Variants in OTOG observed in about 807,000 individuals in gnomAD.
OTOG encodes the protein otogelin.
In OTOG, 296 loss-of-function variants were observed where a neutral mutation model predicts 313.8. The ratio of observed to expected loss-of-function variants is 0.94; its 90% CI spans 0.86 to 1.04. OTOG has a LOEUF of 1.04. OTOG is among the 50% of genes least tolerant of loss of function. OTOG has a pLI of 0.00. For synonymous variants in OTOG, 1,533 were observed against 1,554.9 expected (o/e 0.99, Z 0.33); for missense variants, 3,948 against 3,840.1 (o/e 1.03, Z -0.74).
intron 37 of OTOG, 135 bp from the exon 38 acceptor site, chr11:17,612,484 GT>G: frequency 7.2e-7 from 1 of 1,387,730 alleles, no homozygotes; most frequent in Non-Finnish European, 9.6e-7. Flanking sequence ...TGTGTGATGC[GT>G]GGTCTGAGCC....
chr11:17,613,265 T>TTCTC lies in OTOG; in HGVS notation c.6439-341_6439-338dup, dbSNP rs200487464. Among the ~76,000 whole-genome samples the TTCTC allele has an allele frequency of 8.4e-4, 117 of 138,792 alleles. 9 individuals are homozygous for TTCTC. Among genetic ancestry groups the TTCTC allele is most frequent in the African/African-American group, 2.5e-3 (88 of 34,738 alleles). The allele number at this position is 138,792 out of a possible 152,430, so 91.1% of individuals were successfully genotyped here. A position where few individuals can be genotyped will look rare whatever the true frequency, so the allele number is the denominator to read the frequency against. On this transcript the variant is annotated intron_variant, in intron 38 of 55. Coordinates refer to ENST00000399397, the MANE Select transcript of OTOG (RefSeq NM_001292063.2). ...TTTCTTTCTTTCTTTCTTTCTTTCTTTCTCTCTCTGTCTGTCTTTCTCCTT... is the reference window on the plus strand; with the variant it reads ...TTTCTTTCTTTCTTTCTTTCTTTCTTTCTCTCTCTCTCTGTCTGTCTTTCTCCTT...
chr11:17,601,880 A>G (rs1002358820), intron 31 of OTOG, among the ~76,000 whole-genome samples: 3 of 152,146 alleles, frequency 2.0e-5, no homozygotes, highest in Non-Finnish European at 4.4e-5. Flanking sequence ...CAGTGGCTGT[A>G]ATGGTGAAGT....
chr11:17,610,336 C>T lies in OTOG; in HGVS notation c.5036C>T (p.Thr1679Ile), dbSNP rs950248015. The T allele has an allele frequency of 1.3e-6, 2 of 1,550,720 alleles. No homozygotes were observed. The highest frequency in any genetic ancestry group is 2.7e-5 in the African/African-American group (2 of 73,172). ...TPAVTKVISR[T>I]GVPQPTQAQS... Reference sequence around the variant, plus strand: ...GCAGTAACTAAGGTCATAAGCAGGACAGGGGTCCCCCAGCCCACCCAGGCC... The same window carrying T: ...GCAGTAACTAAGGTCATAAGCAGGATAGGGGTCCCCCAGCCCACCCAGGCC... Residue 1679 changes from threonine (T) to isoleucine (I), a missense_variant, in exon 36 of 56, where the codon ACA becomes ATA. Coordinates refer to ENST00000399397, the MANE Select transcript of OTOG (RefSeq NM_001292063.2).
At chr11:17,596,652 C>G (rs1267848845) in intron 29 of OTOG, among the ~76,000 whole-genome samples, 199 bp from the exon 30 acceptor site, 5 of 152,220 alleles carry the variant, frequency 3.3e-5, no homozygotes, top group African/African-American at 7.2e-5. Context: ...GAGAAGAGAG[C>G]TTAGTTCTCA....
In OTOG at chr11:17,573,057, C is replaced by G. The variant is rs777439961; in HGVS notation, c.2081-21C>G. ...TAGACCGACTCCCCTGACTGCCTGG[C>G]TCCTGTTCTTCCTTCCCCAGCCTCC... is the stretch of plus-strand genomic sequence containing the variant. On this transcript the variant is annotated intron_variant, in intron 18 of 55. Coordinates refer to ENST00000399397, the MANE Select transcript of OTOG (RefSeq NM_001292063.2). 30 of 1,529,056 alleles carry G rather than the reference C, an allele frequency of 2.0e-5. No homozygotes were observed. The African/African-American group carries it at 3.2e-4, about 16-fold the overall frequency. 94.7% of individuals were successfully genotyped at this position (1,529,056 alleles called of 1,614,324 possible).
intron 4 of OTOG, among the ~76,000 whole-genome samples, chr11:17,552,664 C>G (rs143250323): frequency 1.6e-5 from 1 of 61,056 alleles, no homozygotes; most frequent in Non-Finnish European, 3.1e-5. Flanking sequence ...GCTTTGTCTT[C>G]CCTTCGTCTA....
intron 22 of OTOG, 143 bp downstream of exon 22, chr11:17,577,054 CAA>C: frequency 1.2e-6 from 1 of 849,960 alleles, no homozygotes; most frequent in South Asian, 1.8e-5. Flanking sequence ...GCCCTCTTGG[CAA>C]AGACTCCAGC....
rs546841946 is a variant in OTOG at position 17,641,737 on chromosome 11, C to T, written c.8191-110C>T. 5.4e-4 allele frequency: 419 copies of T among 768,900 alleles called. 1 individual carries two copies. The highest frequency in any genetic ancestry group is 7.4e-4 in the Non-Finnish European group (358 of 482,230). The allele number at this position is 768,900 out of a possible 1,614,324, so 47.6% of individuals were successfully genotyped here. On this transcript the variant is annotated intron_variant, in intron 51 of 55. Transcript: ENST00000399397. ...GGCTGGGAGCGCCTCTTCTCGAGCA[C>T]TTACAGAGGGTCCTTCCAGGCTCTG...
At position 17,610,969 on chromosome 11, in the gene OTOG, T is replaced by G. The variant is rs774109476; in HGVS notation, c.5669T>G (p.Val1890Gly). The change falls in exon 36 of 56, where the codon GTG (valine) becomes GGG (glycine). Residue 1890 changes from valine (V) to glycine (G), a missense_variant. Coordinates refer to ENST00000399397, the MANE Select transcript of OTOG (RefSeq NM_001292063.2). ...TTGCCAACCTCTGGAGTCCTGCCTG[T>G]GGCTGAGGGCACGGCCTCCATGGTA... Reference protein sequence around the residue: ...ATLPTSGVLPVAEGTASMVSV... With the variant: ...ATLPTSGVLPGAEGTASMVSV... The G allele has an allele frequency of 1.6e-5, 25 of 1,550,536 alleles. No homozygotes were observed. The South Asian group carries it at 2.9e-4, about 18-fold the overall frequency.
At position 17,572,194 on chromosome 11, in the gene OTOG, C is replaced by T. The variant is rs928460900; in HGVS notation, c.2070C>T (p.His690=). ...SGSPLDPCDV[H]LQAASYSVQA... ...CCCCTCTGGACCCCTGCGATGTGCA[C>T]CTGCAAGCCGGTGAGTTGGTGGGGG... Residue 690 remains histidine, a synonymous_variant, in exon 18 of 56, where the codon CAC becomes CAT. Coordinates refer to ENST00000399397, the MANE Select transcript of OTOG (RefSeq NM_001292063.2). 2.6e-6 allele frequency: 4 copies of T among 1,550,250 alleles called. No individual in the cohort carries two copies. The highest frequency in any genetic ancestry group is 2.4e-5 in the East Asian group (1 of 40,910).
chr11:17,554,012 A>G (rs1852001847), intron 6 of OTOG, among the ~76,000 whole-genome samples: 1 of 152,180 alleles, frequency 6.6e-6, no homozygotes, highest in Admixed American at 6.5e-5. Context: ...GTCACATTTA[A>G]GTTGAGGTTT....
At chr11:17,585,304 C>T (rs1479458164) in intron 23 of OTOG, among the ~76,000 whole-genome samples, 2 of 152,170 alleles carry the variant, frequency 1.3e-5, no homozygotes, top group Admixed American at 6.5e-5. Flanking sequence ...CATCGTACAT[C>T]ATATTTCCTT....
intron 2 of OTOG, 65 bp from the exon 3 acceptor site, chr11:17,548,087 G>C (rs569298434): frequency 1.0e-5 from 15 of 1,493,608 alleles, no homozygotes; most frequent in Non-Finnish European, 1.3e-5. Flanking sequence ...GGATAGGCCA[G>C]GGGACTGCGG....
rs938766526 is a variant in OTOG at position 17,599,608 on chromosome 11, CTCTG to C, written c.3683-53_3683-50del. On this transcript the variant is annotated intron_variant, in intron 30 of 55. Transcript: ENST00000399397. ...GAGGCTGGGATGCTGGGAGCCTTGG[CTCTG>C]TCTGTCTGTTCCAGGCTCTGGGCTG... 6.5e-6 allele frequency: 10 copies of C among 1,530,288 alleles called. No individual in the cohort carries two copies. In the African/African-American group the frequency reaches 6.9e-5, roughly 11 times the overall value. The allele number at this position is 1,530,288 out of a possible 1,614,324, so 94.8% of individuals were successfully genotyped here.
At chr11:17,576,502 C>T in intron 20 of OTOG, 54 bp from the exon 21 acceptor site, 1 of 1,452,732 alleles carries the variant, frequency 6.9e-7, no homozygotes, top group Non-Finnish European at 9.4e-7. Flanking sequence ...CCTTGGCAGT[C>T]TCTGCCCTAG....
intron 18 of OTOG, 116 bp from the exon 19 acceptor site, chr11:17,572,962 G>C: frequency 2.0e-6 from 2 of 991,064 alleles, no homozygotes; most frequent in East Asian, 2.7e-5. Flanking sequence ...GCCTACATCC[G>C]TACAGCGTGT....
intron 32 of OTOG, among the ~76,000 whole-genome samples, chr11:17,603,685 C>G (rs940673320): frequency 4.6e-5 from 7 of 152,116 alleles, no homozygotes; most frequent in African/African-American, 1.7e-4. Flanking sequence ...CCAGGTGGGA[C>G]CTAGGGTGGC....
At chr11:17,602,647 A>G (rs534040365) in intron 32 of OTOG, among the ~76,000 whole-genome samples, 11 of 152,204 alleles carry the variant, frequency 7.2e-5, no homozygotes, top group African/African-American at 2.6e-4. Context: ...CAGAAAAGCC[A>G]AGTGGCAGCT....
chr11:17,612,603 C>T lies in OTOG; in HGVS notation c.6293-17C>T, dbSNP rs1288219002. ...GAGGCATCCACCTATTCTTCTTGTG[C>T]CCTGCCCCTCCCCCAGGCCGGTGCT... On this transcript the variant is annotated splice_polypyrimidine_tract_variant and intron_variant, in intron 37 of 55. Transcript: ENST00000399397. 2.6e-6 allele frequency: 4 copies of T among 1,546,710 alleles called. No individual in the cohort carries two copies. In the East Asian group the frequency reaches 9.8e-5, roughly 38 times the overall value.
Sources: gnomAD v4.1 joint callset for allele counts (sites outside exome capture counted in the v4.1 genomes callset) on GRCh38, gnomAD v4.1.1 for gene constraint, MANE v1.5 for transcripts, NCBI Gene and HGNC (gene_info 2026-07-23, HGNC 2026-07-21) for gene names.